Variants in CLMP observed in about 807,000 individuals in gnomAD.
CLMP encodes CXADR-like membrane protein.
A neutral mutation model predicts 45.2 loss-of-function variants in CLMP; 27 were observed. The ratio of observed to expected loss-of-function variants is 0.60; its 90% CI spans 0.44 to 0.82. CLMP has a LOEUF of 0.82. Ranked by LOEUF, CLMP falls within the 40% of genes least tolerant of loss-of-function variation. The pLI is 0.00. For missense variants in CLMP, 403 were observed against 448.4 expected, an observed-to-expected ratio of 0.90 and a Z score of 0.91; for synonymous variants, 167 against 171.4, an observed-to-expected ratio of 0.97 and a Z score of 0.20.
At chr11:123,076,310 T>A (rs186643273) in intron 5 of CLMP, among the ~76,000 whole-genome samples, 1 of 152,360 alleles carries the variant, frequency 6.6e-6, no homozygotes, top group African/African-American at 2.4e-5. Context: ...CCCTTTTTCA[T>A]ATACCAAATA....
intron 1 of CLMP, chr11:123,136,422 C>A (rs1471791709): frequency 7.3e-6 from 3 of 413,324 alleles, no homozygotes; most frequent in Admixed American, 7.4e-5. Flanking sequence ...TGGTCCCCCC[C>A]ACCCCGCCCT....
intron 5 of CLMP, among the ~76,000 whole-genome samples, chr11:123,075,842 C>T (rs1054829943): frequency 3.3e-5 from 5 of 152,086 alleles, no homozygotes; most frequent in African/African-American, 1.2e-4. Flanking sequence ...TCTCTAACAT[C>T]TCTCTTCTCC....
intron 2 of CLMP, among the ~76,000 whole-genome samples, chr11:123,087,821 A>G (rs1865883023): frequency 1.3e-5 from 2 of 152,176 alleles, no homozygotes; most frequent in Admixed American, 1.3e-4. Context: ...CTCTGCCTCA[A>G]AACAAGACAA....
chr11:123,180,630 G>A (rs186607630), intron 1 of CLMP, among the ~76,000 whole-genome samples: 136 of 151,696 alleles, frequency 9.0e-4, no homozygotes, highest in African/African-American at 2.5e-3. Flanking sequence ...ACTGATAAGT[G>A]TTAGGGAGAA....
At chr11:123,089,212 C>T (rs1468398701) in intron 2 of CLMP, among the ~76,000 whole-genome samples, 1 of 151,524 alleles carries the variant, frequency 6.6e-6, no homozygotes, top group Non-Finnish European at 1.5e-5. Context: ...TGGTGAAACC[C>T]CATCTCTACT....
chr11:123,155,394 G>A (rs1175515831), intron 1 of CLMP, among the ~76,000 whole-genome samples: 1 of 152,218 alleles, frequency 6.6e-6, no homozygotes, highest in East Asian at 1.9e-4. Context: ...TGGGAACAGC[G>A]AGGTGGTGAG....
intron 1 of CLMP, among the ~76,000 whole-genome samples, chr11:123,121,106 G>A (rs1157920081): frequency 1.1e-4 from 15 of 133,454 alleles, no homozygotes; most frequent in Non-Finnish European, 1.7e-4. Flanking sequence ...CAGCCTGGGC[G>A]ACAGAGCGAG....
Position 123,108,266 on chromosome 11 carries a change from A to G in CLMP, c.29-10314T>C, listed in dbSNP as rs186372600. 9.2e-5 allele frequency among the ~76,000 whole-genome samples: 14 copies of G among 152,358 alleles called. No homozygotes were observed. In the East Asian group the frequency reaches 2.5e-3, roughly 27 times the overall value. Reference sequence around the variant, plus strand: ...AGACCATATTTACTATGAGCTGCTAAATCCCTGACATTTTACTGTCTTTTT... The same window carrying G: ...AGACCATATTTACTATGAGCTGCTAGATCCCTGACATTTTACTGTCTTTTT... On this transcript the variant is annotated intron_variant, in intron 1 of 6. Coordinates refer to ENST00000448775, the MANE Select transcript of CLMP (RefSeq NM_024769.5).
At chr11:123,089,959 G>C (rs1023943795) in intron 2 of CLMP, among the ~76,000 whole-genome samples, 1 of 151,436 alleles carries the variant, frequency 6.6e-6, no homozygotes, top group Non-Finnish European at 1.5e-5. Context: ...TTAGCTGGGC[G>C]TGGTGGTGCA....
intron 1 of CLMP, among the ~76,000 whole-genome samples, chr11:123,154,678 T>G (rs1217435556): frequency 6.6e-6 from 1 of 152,172 alleles, no homozygotes; most frequent in Non-Finnish European, 1.5e-5. Flanking sequence ...CCTAGTTTTA[T>G]CAGCAGCTAA....
chr11:123,178,111 C>T (rs900369931), intron 1 of CLMP, among the ~76,000 whole-genome samples: 2 of 152,110 alleles, frequency 1.3e-5, no homozygotes, highest in Non-Finnish European at 2.9e-5. Flanking sequence ...GTGATCCACC[C>T]GCCTCAGCCT....
At chr11:123,112,104 G>A (rs1860646922) in intron 1 of CLMP, among the ~76,000 whole-genome samples, 1 of 152,080 alleles carries the variant, frequency 6.6e-6, no homozygotes, top group South Asian at 2.1e-4. Context: ...AAAAGGCAAC[G>A]AGGAACGGAA....
intron 1 of CLMP, among the ~76,000 whole-genome samples, chr11:123,129,884 A>G (rs1290560704): frequency 6.7e-6 from 1 of 149,744 alleles, no homozygotes; most frequent in East Asian, 1.9e-4. Flanking sequence ...TTCACATCTA[A>G]TCCACCTACT....
At chr11:123,118,961 CTT>C (rs1565387732) in intron 1 of CLMP, among the ~76,000 whole-genome samples, 16 of 39,714 alleles carry the variant, frequency 4.0e-4, no homozygotes, top group South Asian at 1.3e-3. Context: ...TTCTTTCTTT[CTT>C]TCTTTCTTTC....
intron 1 of CLMP, among the ~76,000 whole-genome samples, chr11:123,150,486 A>AAGAAAGAAAGAAAGAAAGAAC: frequency 8.5e-6 from 1 of 117,340 alleles, no homozygotes; most frequent in East Asian, 2.8e-4. Context: ...AAAGAAAGGA[A>AAGAAAGAAAGAAAGAAAGAAC]GGAAGGAAGG....
At position 123,154,984 on chromosome 11, in the gene CLMP, A is replaced by G. The variant is rs569823808; in HGVS notation, c.28+39929T>C. ...GTTAGTTAGGTGGTTAGAATAGATG[A>G]TACAGAAATCGCTTTGTTTTTTGAG... On this transcript the variant is annotated intron_variant, in intron 1 of 6. Transcript: ENST00000448775. Among the ~76,000 whole-genome samples the G allele has an allele frequency of 2.0e-5, 3 of 152,288 alleles. No homozygotes were observed. In the South Asian group the frequency reaches 6.2e-4, roughly 32 times the overall value.
intron 2 of CLMP, among the ~76,000 whole-genome samples, chr11:123,092,905 C>T (rs924540850): frequency 7.2e-6 from 1 of 139,614 alleles, no homozygotes. Context: ...GCCTGACACA[C>T]ACTTTTTTTT....
chr11:123,091,092 T>A (rs1347439972), intron 2 of CLMP, among the ~76,000 whole-genome samples: 1 of 152,042 alleles, frequency 6.6e-6, no homozygotes, highest in East Asian at 1.9e-4. Context: ...TCTCTCTCTC[T>A]CTCTTTCTTT....
rs77061542 is a variant in CLMP, at chr11:123,163,579, C to A, written c.28+31334G>T. Among the ~76,000 whole-genome samples the A allele has an allele frequency of 2.3e-4, 35 of 152,248 alleles. 3 individuals carry two copies. In the East Asian group the frequency reaches 6.8e-3, roughly 29 times the overall value. ...CTGGGAACTTGTTAGAAAAGTAGAA[C>A]CTAGAGCCCCACCCAGATCCCTACT... is the stretch of plus-strand genomic sequence containing the variant. On this transcript the variant is annotated intron_variant, in intron 1 of 6. Transcript: ENST00000448775.
Sources: gnomAD v4.1 joint callset for allele counts (sites outside exome capture counted in the v4.1 genomes callset) on GRCh38, gnomAD v4.1.1 for gene constraint, MANE v1.5 for transcripts, NCBI Gene and HGNC (gene_info 2026-07-23, HGNC 2026-07-21) for gene names.